Variants in ARHGAP26 observed in about 807,000 individuals in gnomAD.
The protein encoded by ARHGAP26 is rho GTPase-activating protein 26.
Under a neutral mutation model 104.8 loss-of-function variants are expected in ARHGAP26, and 38 were observed. The ratio of observed to expected loss-of-function variants is 0.36; its 90% CI spans 0.28 to 0.48. The LOEUF is 0.48. ARHGAP26 is among the 20% of genes least tolerant of loss of function. ARHGAP26 has a pLI of 0.99. For missense variants in ARHGAP26, 704 were observed against 947.9 expected (o/e 0.74, Z 3.38); for synonymous variants, 341 against 340.0 (o/e 1.00, Z -0.03).
chr5:142,812,112 TC>T (rs1210935697), intron 1 of ARHGAP26, among the ~76,000 whole-genome samples: 1 of 152,114 alleles, frequency 6.6e-6, no homozygotes, highest in Admixed American at 6.5e-5. Context: ...TACTGCCTTT[TC>T]CCCCCAGTGC....
chr5:142,869,208 C>CTT (rs1262754470), intron 1 of ARHGAP26, among the ~76,000 whole-genome samples: 31 of 137,202 alleles, frequency 2.3e-4, no homozygotes, highest in South Asian at 4.6e-4. Context: ...TTTCTTTTTT[C>CTT]TTTTTTTTTT....
chr5:143,103,214 G>A, intron 17 of ARHGAP26: 1 of 985,030 alleles, frequency 1.0e-6, no homozygotes, highest in Non-Finnish European at 1.2e-6. Flanking sequence ...GACCTTAAAA[G>A]TCACTGGATC....
chr5:142,982,313 A>AT (rs531907589), intron 11 of ARHGAP26, among the ~76,000 whole-genome samples: 31 of 152,364 alleles, frequency 2.0e-4, no homozygotes, highest in African/African-American at 6.7e-4. Flanking sequence ...ACATGGGCTC[A>AT]TTTTTTAATG....
At chr5:143,217,690 A>C (rs1050838041) in intron 22 of ARHGAP26, among the ~76,000 whole-genome samples, 14 of 152,088 alleles carry the variant, frequency 9.2e-5, no homozygotes, top group Middle Eastern at 3.2e-3. Flanking sequence ...ACAGGAGGGC[A>C]CTCAGGGATC....
chr5:142,861,256 C>G (rs78537179), intron 1 of ARHGAP26, among the ~76,000 whole-genome samples: 1,724 of 152,030 alleles, frequency 0.011, 40 homozygotes, highest in African/African-American at 0.039. Context: ...TGAGGTATAG[C>G]AGAAAAGTGA....
At chr5:143,141,472 G>T (rs1434924812) in intron 19 of ARHGAP26, among the ~76,000 whole-genome samples, 1 of 152,174 alleles carries the variant, frequency 6.6e-6, no homozygotes, top group Non-Finnish European at 1.5e-5. Flanking sequence ...GTGTGCAGAT[G>T]CAAATGCTTT....
chr5:142,983,708 G>A (rs1387754888), intron 11 of ARHGAP26, among the ~76,000 whole-genome samples: 2 of 152,134 alleles, frequency 1.3e-5, no homozygotes, highest in Non-Finnish European at 2.9e-5. Context: ...CTAAAAAGAT[G>A]AAGAGGAAAA....
At chr5:142,868,331 C>A (rs1387458894) in intron 1 of ARHGAP26, among the ~76,000 whole-genome samples, 3 of 151,782 alleles carry the variant, frequency 2.0e-5, no homozygotes, top group Non-Finnish European at 4.4e-5. Context: ...GAGGCCAGAC[C>A]CTGCAGGGCC....
intron 17 of ARHGAP26, among the ~76,000 whole-genome samples, chr5:143,076,287 C>T (rs1789013913): frequency 6.6e-6 from 1 of 151,978 alleles, no homozygotes; most frequent in Middle Eastern, 3.2e-3. Context: ...AATGAGCCCC[C>T]ATGCTCAAGC....
At chr5:142,966,212 CT>C (rs1420425716) in intron 11 of ARHGAP26, among the ~76,000 whole-genome samples, 1 of 152,182 alleles carries the variant, frequency 6.6e-6, no homozygotes, top group East Asian at 1.9e-4. Context: ...TTATAACGTA[CT>C]GTAGGAGAGG....
intron 1 of ARHGAP26, among the ~76,000 whole-genome samples, chr5:142,779,772 A>G (rs956674536): frequency 6.6e-6 from 1 of 152,250 alleles, no homozygotes; most frequent in Non-Finnish European, 1.5e-5. Context: ...TTCTGTGCCA[A>G]GGAGACTGTC....
intron 11 of ARHGAP26, among the ~76,000 whole-genome samples, chr5:142,966,703 G>A (rs1035188600): frequency 2.0e-5 from 3 of 152,136 alleles, no homozygotes; most frequent in Admixed American, 6.5e-5. Context: ...CAGGAAAATC[G>A]TTCATTAATG....
chr5:143,123,451 G>A (rs1301725220), intron 18 of ARHGAP26, among the ~76,000 whole-genome samples: 2 of 152,194 alleles, frequency 1.3e-5, no homozygotes, highest in Non-Finnish European at 2.9e-5. Context: ...GCTTTCTGGA[G>A]ATAACACTTT....
chr5:143,063,583 A>G (rs1194652599), intron 17 of ARHGAP26, among the ~76,000 whole-genome samples: 2 of 152,196 alleles, frequency 1.3e-5, no homozygotes, highest in Admixed American at 6.5e-5. Flanking sequence ...TTCCTACTGC[A>G]TGGCACACAA....
At chr5:143,220,324 A>G (rs991722675) in intron 22 of ARHGAP26, among the ~76,000 whole-genome samples, 2 of 152,206 alleles carry the variant, frequency 1.3e-5, no homozygotes, top group South Asian at 2.1e-4. Context: ...CTAGGTCGCT[A>G]CTAGGAGGGG....
At chr5:142,873,188 T>C (rs1755574848) in intron 1 of ARHGAP26, among the ~76,000 whole-genome samples, 1 of 152,228 alleles carries the variant, frequency 6.6e-6, no homozygotes, top group African/African-American at 2.4e-5. Context: ...TTAAAGCCAA[T>C]ATAACAAAAA....
At chr5:142,926,490 G>A (rs924896351) in intron 10 of ARHGAP26, among the ~76,000 whole-genome samples, 5 of 152,180 alleles carry the variant, frequency 3.3e-5, no homozygotes, top group African/African-American at 7.2e-5. Context: ...CTCATCTGGC[G>A]GGTGGAGGGA....
intron 12 of ARHGAP26, among the ~76,000 whole-genome samples, chr5:143,021,172 T>A (rs1041073451): frequency 2.6e-5 from 4 of 152,254 alleles, no homozygotes; most frequent in Admixed American, 6.5e-5. Flanking sequence ...TTGCCTTTTT[T>A]AAATGATGTC....
intron 1 of ARHGAP26, among the ~76,000 whole-genome samples, chr5:142,850,947 G>T (rs1018035931): frequency 1.3e-5 from 2 of 152,196 alleles, no homozygotes; most frequent in African/African-American, 4.8e-5. Context: ...TCGATATGCA[G>T]TGTCAACCAG....
Sources: allele counts gnomAD v4.1 joint callset (sites outside exome capture counted in the v4.1 genomes callset), GRCh38; gene constraint gnomAD v4.1.1; transcripts MANE v1.5; gene names NCBI Gene and HGNC (gene_info 2026-07-23, HGNC 2026-07-21).